The following KCNH7 variants were observed in gnomAD, a reference collection of about 807,000 sequenced individuals.
The protein encoded by KCNH7 is voltage-gated inwardly rectifying potassium channel KCNH7.
Under a neutral mutation model 120.8 loss-of-function variants are expected in KCNH7, and 49 were observed. The ratio of observed to expected loss-of-function variants is 0.41; its 90% CI spans 0.32 to 0.51. The LOEUF (loss-of-function observed/expected upper bound fraction) is 0.51, where lower values mean the gene tolerates loss of function less well. Ranked by LOEUF, KCNH7 falls within the 20% of genes least tolerant of loss-of-function variation. The probability of loss-of-function intolerance (pLI) is 0.38; values close to 1 mark genes in which losing one functional copy is unlikely to be tolerated. For missense variants in KCNH7, 1,097 were observed against 1,446.6 expected, an observed-to-expected ratio of 0.76 and a Z score of 3.92; for synonymous variants, 547 against 516.1, an observed-to-expected ratio of 1.06 and a Z score of -0.81.
At chr2:162,748,127 A>T (rs1324802957) in intron 2 of KCNH7, among the ~76,000 whole-genome samples, 2 of 152,246 alleles carry the variant, frequency 1.3e-5, no homozygotes, top group Admixed American at 1.3e-4. Context: ...ATGTAGACTT[A>T]CTTGCAGAAG....
chr2:162,435,627 C>G, intron 7 of KCNH7, 30 bp from the exon 8 acceptor site: 1 of 1,537,370 alleles, frequency 6.5e-7, no homozygotes, highest in African/African-American at 1.4e-5. Flanking sequence ...CAGTCAGAAA[C>G]GGTCGGCAAA....
chr2:162,561,788 G>A (rs542137421), intron 2 of KCNH7, among the ~76,000 whole-genome samples: 1 of 152,242 alleles, frequency 6.6e-6, no homozygotes, highest in Non-Finnish European at 1.5e-5. Context: ...ATTGTTCACA[G>A]TAGCAAAGAC....
rs117540381 is a variant in KCNH7, at chr2:162,562,644, C to T, written c.308-25564G>A. Among the ~76,000 whole-genome samples, 58 of 152,280 alleles carry T rather than the reference C, an allele frequency of 3.8e-4. No individual in the cohort carries two copies. The East Asian group carries it at 0.01, about 27-fold the overall frequency. On this transcript the variant is annotated intron_variant, in intron 2 of 15. Coordinates refer to ENST00000332142, the MANE Select transcript of KCNH7 (RefSeq NM_033272.4). ...TGGGTCCTGCTCACTTGGACCTGGG[C>T]TTTGAGGAAGCTGAGGGTGTTGACA...
At chr2:162,753,013 GAAAAGAAAAGAAA>G (rs1322431154) in intron 2 of KCNH7, among the ~76,000 whole-genome samples, 1 of 147,052 alleles carries the variant, frequency 6.8e-6, no homozygotes, top group Non-Finnish European at 1.5e-5. Context: ...GAAAAGAAAA[GAAAAGAAAAGAAA>G]AGAAACCCTG....
At chr2:162,649,042 C>T (rs1361397290) in intron 2 of KCNH7, among the ~76,000 whole-genome samples, 1 of 152,124 alleles carries the variant, frequency 6.6e-6, no homozygotes, top group Non-Finnish European at 1.5e-5. Flanking sequence ...AAACATACAT[C>T]AGTATTAGGT....
chr2:162,686,011 T>C (rs1412784269), intron 2 of KCNH7, among the ~76,000 whole-genome samples: 1 of 152,062 alleles, frequency 6.6e-6, no homozygotes, highest in Admixed American at 6.6e-5. Flanking sequence ...GACCATAAGA[T>C]AGTTTTAATG....
chr2:162,517,584 G>C (rs1691350330), intron 4 of KCNH7, 146 bp downstream of exon 4: 1 of 622,018 alleles, frequency 1.6e-6, no homozygotes, highest in Admixed American at 3.2e-5. Context: ...TAACAACTCT[G>C]AGTGTAGGAC....
chr2:162,698,878 A>C (rs1437107672), intron 2 of KCNH7, among the ~76,000 whole-genome samples: 1 of 152,132 alleles, frequency 6.6e-6, no homozygotes, highest in Non-Finnish European at 1.5e-5. Flanking sequence ...TTTGTGGCAG[A>C]GTAGATTTAA....
At chr2:162,612,761 T>C (rs1683012134) in intron 2 of KCNH7, among the ~76,000 whole-genome samples, 1 of 151,756 alleles carries the variant, frequency 6.6e-6, no homozygotes, top group Non-Finnish European at 1.5e-5. Flanking sequence ...TAGAGAAAAA[T>C]AGATTGAAAC....
chr2:162,577,375 A>C (rs1268295804), intron 2 of KCNH7, among the ~76,000 whole-genome samples: 3 of 150,286 alleles, frequency 2.0e-5, no homozygotes, highest in Admixed American at 1.3e-4. Context: ...CTATCTATCT[A>C]TCTATCTATC....
chr2:162,647,038 T>C (rs1684384181), intron 2 of KCNH7, among the ~76,000 whole-genome samples: 2 of 152,180 alleles, frequency 1.3e-5, no homozygotes, highest in Non-Finnish European at 2.9e-5. Context: ...TTGTCTAAAG[T>C]CGGTCAGTAG....
chr2:162,757,649 CAGGT>C (rs746672165), intron 2 of KCNH7, among the ~76,000 whole-genome samples: 5 of 152,148 alleles, frequency 3.3e-5, no homozygotes, highest in Non-Finnish European at 7.4e-5. Context: ...CTTATTTCTT[CAGGT>C]TCATAATCAT....
chr2:162,735,807 A>T (rs1687885052), intron 2 of KCNH7, among the ~76,000 whole-genome samples: 1 of 152,124 alleles, frequency 6.6e-6, no homozygotes. Flanking sequence ...CTTTATTACA[A>T]TACTTGCTGT....
chr2:162,506,915 C>A (rs979723198), intron 5 of KCNH7, among the ~76,000 whole-genome samples: 18 of 151,850 alleles, frequency 1.2e-4, no homozygotes, highest in Admixed American at 7.9e-4. Flanking sequence ...TCACAATTCG[C>A]CTGCCTTAAA....
chr2:162,377,270 A>C (rs73014832), intron 14 of KCNH7, among the ~76,000 whole-genome samples: 45 of 152,334 alleles, frequency 3.0e-4, no homozygotes, highest in African/African-American at 1.0e-3. Context: ...CGAGCAAAAA[A>C]AAAAAAAGTG....
rs958130604 is a variant in KCNH7, at chr2:162,592,718, A to T, written c.308-55638T>A. Among the ~76,000 whole-genome samples the T allele has an allele frequency of 4.6e-5, 7 of 152,214 alleles. No individual in the cohort carries two copies. The East Asian group carries it at 1.4e-3, about 29-fold the overall frequency. On this transcript the variant is annotated intron_variant, in intron 2 of 15. Transcript: ENST00000332142. The stretch of plus-strand genomic sequence containing the variant: ...ATATCTGGGTTAGCATAATGATGTT[A>T]AAATAAATATATAGTTTTTATTTAT...
At chr2:162,681,727 A>AT (rs1685716740) in intron 2 of KCNH7, among the ~76,000 whole-genome samples, 1 of 151,720 alleles carries the variant, frequency 6.6e-6, no homozygotes, top group Non-Finnish European at 1.5e-5. Context: ...GGCTACAAGC[A>AT]TAACAGTAGC....
chr2:162,514,883 G>A (rs1691227092), intron 4 of KCNH7, among the ~76,000 whole-genome samples: 1 of 151,688 alleles, frequency 6.6e-6, no homozygotes. Context: ...TGTGAAGATA[G>A]CCTGTACAGG....
chr2:162,389,044 G>A (rs770496905), intron 12 of KCNH7, among the ~76,000 whole-genome samples: 16 of 151,928 alleles, frequency 1.1e-4, no homozygotes, highest in African/African-American at 1.4e-4. Flanking sequence ...AACCATCTGC[G>A]TCCAATCTTT....
Sources: allele counts gnomAD v4.1 joint callset (sites outside exome capture counted in the v4.1 genomes callset), GRCh38; gene constraint gnomAD v4.1.1; transcripts MANE v1.5; gene names NCBI Gene and HGNC (gene_info 2026-07-23, HGNC 2026-07-21).